The following EIF3B variants were observed in gnomAD, a reference collection of about 807,000 sequenced individuals.
The protein encoded by EIF3B is eukaryotic translation initiation factor 3 subunit 9.
EIF3B carries 10 observed loss-of-function variants against 104.6 expected under a neutral mutation model. The observed-to-expected ratio is 0.10, with a 90% CI of 0.06 to 0.16. The LOEUF is 0.16. Among genes scored for constraint, EIF3B ranks in the 10% least tolerant of loss-of-function variants. The pLI, the probability that EIF3B is intolerant of heterozygous loss-of-function variation, is 1.00. For missense variants in EIF3B, 1,014 were observed against 1,087.9 expected (o/e 0.93, Z 0.96); for synonymous variants, 542 against 417.2 (o/e 1.30, Z -3.65).
chr7:2,374,559 C>A lies in EIF3B; in HGVS notation c.1842C>A (p.Ile614=), dbSNP rs770670188. The A allele has an allele frequency of 1.2e-6, 2 of 1,614,146 alleles. No individual in the cohort carries two copies. The highest frequency in any genetic ancestry group is 2.2e-5 in the East Asian group (1 of 44,876). Residue 614 remains isoleucine, a synonymous_variant, in exon 13 of 19, where the codon ATC becomes ATA. Transcript: ENST00000360876. ...KMFDKQQANT[I]FWSPQGQFVV... ...TCGACAAGCAGCAGGCGAACACCATCTTCTGGAGCCCCCAAGGACAGTTCG... is the reference window on the plus strand; with the variant it reads ...TCGACAAGCAGCAGGCGAACACCATATTCTGGAGCCCCCAAGGACAGTTCG...
At position 2,379,447 on chromosome 7, in the gene EIF3B, A is replaced by G; in HGVS notation, c.2395A>G (p.Ile799Val). Reference protein sequence around the residue: ...SNVDDWEEETIEFFVTEEIIP... With the variant: ...SNVDDWEEETVEFFVTEEIIP... ...CGTGGACGACTGGGAAGAGGAGACC[A>G]TTGAGTTCTTCGTCACTGAAGAAAT... is the stretch of plus-strand genomic sequence containing the variant. Residue 799 changes from isoleucine (I) to valine (V), a missense_variant, in exon 18 of 19, where the codon ATT (isoleucine) becomes GTT (valine). Physicochemically the swap from Ile to Val is conservative, Grantham distance 29 (BLOSUM62 3). Around this residue, in one of 4 missense-constraint regions of EIF3B, gnomAD observed 266 missense variants for 324.0 expected, o/e 0.82. Coordinates refer to ENST00000360876, the MANE Select transcript of EIF3B (RefSeq NM_001037283.2). 1.9e-6 allele frequency: 3 copies of G among 1,592,700 alleles called. No homozygotes were observed. The highest frequency in any genetic ancestry group is 2.3e-5 in the East Asian group (1 of 44,164).
chr7:2,357,476 T>A (rs1779510359), intron 1 of EIF3B, among the ~76,000 whole-genome samples: 1 of 152,238 alleles, frequency 6.6e-6, no homozygotes, highest in Non-Finnish European at 1.5e-5. Context: ...AAGGGCCAAG[T>A]CTTCCAAGGA....
intron 2 of EIF3B, 93 bp from the exon 3 acceptor site, chr7:2,362,552 C>T (rs1463345082): frequency 6.6e-6 from 10 of 1,516,946 alleles, no homozygotes; most frequent in East Asian, 2.3e-5. Flanking sequence ...CTCCTGGCAC[C>T]GAGGGCTTGT....
intron 1 of EIF3B, among the ~76,000 whole-genome samples, chr7:2,356,602 C>CAAAAAAA (rs558863981): frequency 1.1e-5 from 1 of 90,300 alleles, no homozygotes; most frequent in African/African-American, 4.0e-5. Context: ...GACTCCGTCT[C>CAAAAAAA]AAAAAAAAAA....
At chr7:2,356,113 A>G (rs1467385868) in intron 1 of EIF3B, among the ~76,000 whole-genome samples, 2 of 152,090 alleles carry the variant, frequency 1.3e-5, no homozygotes, top group East Asian at 1.9e-4. Flanking sequence ...GCTACTTCTG[A>G]TGAGAGCTGG....
At position 2,360,703 on chromosome 7, in the gene EIF3B, T is replaced by C. The variant is rs376158279; in HGVS notation, c.500-7T>C. 2 of 1,571,290 alleles carry C rather than the reference T, an allele frequency of 1.3e-6. No individual in the cohort carries two copies. Among genetic ancestry groups the C allele is most frequent in the Admixed American group, 1.8e-5 (1 of 55,498 alleles). The stretch of plus-strand genomic sequence containing the variant: ...AAATGATCATTTGAAAAATCTCTCT[T>C]GTTCAGAATTACTGGGAGATGTACT... On this transcript the variant is annotated splice_region_variant and splice_polypyrimidine_tract_variant and intron_variant, in intron 1 of 18. Transcript: ENST00000360876.
Position 2,377,064 on chromosome 7 carries a change from G to C in EIF3B, c.2143G>C (p.Glu715Gln). 6.2e-7 allele frequency: 1 copy of C among 1,611,912 alleles called. No homozygotes were observed. Among genetic ancestry groups the C allele is most frequent in the Non-Finnish European group, 8.5e-7 (1 of 1,178,688 alleles). Reference sequence around the variant, plus strand: ...CCGGCCTCCCACACTCCTGAGCCAGGAACAGATCAAGGTCAGCATGCCCCC... The same window carrying C: ...CCGGCCTCCCACACTCCTGAGCCAGCAACAGATCAAGGTCAGCATGCCCCC... ...RPRPPTLLSQ[E>Q]QIKQIKKDLK... is the part of the protein sequence containing the mutation. The change falls in exon 15 of 19, where the codon GAA becomes CAA. Residue 715 changes from glutamate to glutamine, a missense_variant. This residue lies in a region of EIF3B where 266 missense variants were observed against 324.0 expected (regional missense o/e 0.82). Coordinates refer to ENST00000360876, the MANE Select transcript of EIF3B (RefSeq NM_001037283.2).
At chr7:2,369,941 T>C (rs903666498) in intron 10 of EIF3B, among the ~76,000 whole-genome samples, 4 of 151,870 alleles carry the variant, frequency 2.6e-5, no homozygotes, top group Non-Finnish European at 5.9e-5. Context: ...CACGCTTGGC[T>C]AATTTTTGTA....
intron 2 of EIF3B, among the ~76,000 whole-genome samples, chr7:2,362,190 C>T (rs1163941472): frequency 6.6e-6 from 1 of 151,982 alleles, no homozygotes; most frequent in East Asian, 1.9e-4. Flanking sequence ...GAACTCCTGA[C>T]CTCAAGTGAT....
intron 9 of EIF3B, 154 bp downstream of exon 9, chr7:2,367,199 G>A (rs988768921): frequency 8.8e-6 from 6 of 683,374 alleles, no homozygotes; most frequent in Non-Finnish European, 1.2e-5. Flanking sequence ...TTGAGGTCAG[G>A]GTGCCTGCAG....
chr7:2,376,960 C>G lies in EIF3B; in HGVS notation c.2039C>G (p.Ala680Gly), dbSNP rs777551343. The change falls in exon 15 of 19, where the codon GCG becomes GGG. Residue 680 changes from alanine to glycine, a missense_variant. Coordinates refer to ENST00000360876, the MANE Select transcript of EIF3B (RefSeq NM_001037283.2). Reference sequence around the variant, plus strand: ...CCTGCCCTGGCCTAGGTGGACAACGCGTACTGGCTGTGGACTTTCCAGGGA... The same window carrying G: ...CCTGCCCTGGCCTAGGTGGACAACGGGTACTGGCTGTGGACTTTCCAGGGA... ...VSWWSHKVDN[A>G]YWLWTFQGRL... The G allele has an allele frequency of 6.2e-7, 1 of 1,613,740 alleles. No homozygotes were observed. Among genetic ancestry groups the G allele is most frequent in the African/African-American group, 1.3e-5 (1 of 74,918 alleles).
At position 2,355,157 on chromosome 7, in the gene EIF3B, G is replaced by C. The variant is rs775676864; in HGVS notation, c.236G>C (p.Gly79Ala). 1.4e-6 allele frequency: 2 copies of C among 1,448,452 alleles called. No homozygotes were observed. Among genetic ancestry groups the C allele is most frequent in the South Asian group, 1.4e-5 (1 of 72,424 alleles). The allele number at this position is 1,448,452 out of a possible 1,614,324, so 89.7% of individuals were successfully genotyped here. ...GCGGCCGAGGCAGAGGCGGCCTCCGGCCCGTCCGAGTCGCCCTCGCCGCCG... is the reference window on the plus strand; with the variant it reads ...GCGGCCGAGGCAGAGGCGGCCTCCGCCCCGTCCGAGTCGCCCTCGCCGCCG... ...EPAAEAEAASGPSESPSPPAA... is the reference protein window; with the variant it reads ...EPAAEAEAASAPSESPSPPAA... Residue 79 changes from glycine (G) to alanine (A), a missense_variant, in exon 1 of 19, where the codon GGC (glycine) becomes GCC (alanine). Transcript: ENST00000360876.
Position 2,355,018 on chromosome 7 carries a change from G to C in EIF3B, c.97G>C (p.Gly33Arg), listed in dbSNP as rs1239400546. 2.0e-5 allele frequency: 24 copies of C among 1,183,668 alleles called. No homozygotes were observed. The highest frequency in any genetic ancestry group is 2.4e-5 in the Non-Finnish European group (23 of 958,658). 73.3% of individuals were successfully genotyped at this position (1,183,668 alleles called of 1,614,324 possible). A position where few individuals can be genotyped will look rare whatever the true frequency, so the allele number is the denominator to read the frequency against. The change falls in exon 1 of 19, where the codon GGG becomes CGG. Residue 33 changes from glycine (G) to arginine (R), a missense_variant. Physicochemically the swap from Gly to Arg is moderately radical, Grantham distance 125. Around this residue, in one of 4 missense-constraint regions of EIF3B, gnomAD observed 488 missense variants for 404.3 expected, o/e 1.21. Transcript: ENST00000360876. ...QPAAEPPPAE[G>R]LLRPAGPGAP... ...GGCCGCCGAGCCGCCGCCAGCCGAGGGGCTGCTGCGGCCCGCGGGGCCCGG... is the reference window on the plus strand; with the variant it reads ...GGCCGCCGAGCCGCCGCCAGCCGAGCGGCTGCTGCGGCCCGCGGGGCCCGG...
intron 1 of EIF3B, among the ~76,000 whole-genome samples, chr7:2,358,596 G>A (rs567329527): frequency 1.2e-4 from 18 of 152,196 alleles, no homozygotes; most frequent in African/African-American, 4.3e-4. Context: ...GCATGATCTT[G>A]GCTCACTGCA....
rs762042914 is a variant in EIF3B at position 2,355,199 on chromosome 7, C to T, written c.278C>T (p.Pro93Leu). The T allele has an allele frequency of 1.4e-5, 21 of 1,486,892 alleles. No individual in the cohort carries two copies. The Admixed American group carries it at 4.8e-4, about 34-fold the overall frequency. The allele number at this position is 1,486,892 out of a possible 1,614,324, so 92.1% of individuals were successfully genotyped here. The change falls in exon 1 of 19, where the codon CCC becomes CTC. Residue 93 changes from proline to leucine, a missense_variant. By Grantham distance (98) the Pro-to-Leu change is moderately conservative (BLOSUM62 -3). Around this residue, in one of 4 missense-constraint regions of EIF3B, gnomAD observed 488 missense variants for 404.3 expected, o/e 1.21. Coordinates refer to ENST00000360876, the MANE Select transcript of EIF3B (RefSeq NM_001037283.2). ...TCGCCGCCGGCCGCCGAGGAGCTGC[C>T]CGGGTCGCATGCTGAGCCCCCTGTC... Reference protein sequence around the residue: ...SPSPPAAEELPGSHAEPPVPA... With the variant: ...SPSPPAAEELLGSHAEPPVPA...
chr7:2,372,163 GC>G, intron 11 of EIF3B: 1 of 343,932 alleles, frequency 2.9e-6, no homozygotes, highest in Non-Finnish European at 5.4e-6. Flanking sequence ...CTGAGATTGC[GC>G]CCCTGCACTC....
At chr7:2,357,322 T>G (rs1220431556) in intron 1 of EIF3B, among the ~76,000 whole-genome samples, 1 of 152,116 alleles carries the variant, frequency 6.6e-6, no homozygotes, top group Admixed American at 6.6e-5. Flanking sequence ...AGGTGAGGCA[T>G]CTGGTCCTGA....
intron 10 of EIF3B, 50 bp from the exon 11 acceptor site, chr7:2,371,727 C>T (rs1386846250): frequency 2.2e-6 from 3 of 1,368,144 alleles, no homozygotes; most frequent in Non-Finnish European, 3.1e-6. Context: ...AACCTTTTCT[C>T]ATATTTTCAC....
At chr7:2,364,285 GATTCATTGTAGGATAA>G in intron 5 of EIF3B, 71 bp from the exon 6 acceptor site, 4 of 1,273,282 alleles carry the variant, frequency 3.1e-6, no homozygotes, top group Non-Finnish European at 4.3e-6. Flanking sequence ...TTGTAGAACA[GATTCATTGTAGGATAA>G]ATTCATTGTA....
Sources: allele counts gnomAD v4.1 joint callset (sites outside exome capture counted in the v4.1 genomes callset), GRCh38; gene constraint gnomAD v4.1.1; regional missense constraint gnomAD v4.1.1; transcripts MANE v1.5; gene names NCBI Gene and HGNC (gene_info 2026-07-23, HGNC 2026-07-21).